Variants in SYNE1 observed in about 807,000 individuals in gnomAD.
SYNE1 encodes spectrin repeat containing nuclear envelope protein 1.
SYNE1 carries 616 observed loss-of-function variants against 1,111.0 expected under a neutral mutation model. That is an observed-to-expected ratio of 0.55 (90% CI 0.52 to 0.59). The LOEUF is 0.59. Ranked by LOEUF, SYNE1 falls within the 20% of genes least tolerant of loss-of-function variation. SYNE1 has a pLI of 0.00. For synonymous variants in SYNE1, 3,855 were observed against 3,825.8 expected, an observed-to-expected ratio of 1.01 and a Z score of -0.28; for missense variants, 10,006 against 10,417.0, an observed-to-expected ratio of 0.96 and a Z score of 1.72.
chr6:152,400,614 A>C (rs2097797689), intron 47 of SYNE1, among the ~76,000 whole-genome samples: 1 of 152,166 alleles, frequency 6.6e-6, no homozygotes, highest in Non-Finnish European at 1.5e-5. Flanking sequence ...GTGAGCCCAG[A>C]TTGTGCCACT....
intron 128 of SYNE1, among the ~76,000 whole-genome samples, chr6:152,188,781 AC>A (rs1433734828): frequency 3.3e-5 from 5 of 151,012 alleles, no homozygotes; most frequent in African/African-American, 4.9e-5. Flanking sequence ...ACACGGTGAA[AC>A]CCCATCCCTA....
intron 4 of SYNE1, among the ~76,000 whole-genome samples, chr6:152,527,201 A>G (rs924702541): frequency 2.6e-5 from 4 of 152,178 alleles, no homozygotes; most frequent in Non-Finnish European, 4.4e-5. Flanking sequence ...TTAACTCCAA[A>G]TGTTTGGTTG....
chr6:152,201,596 T>C (rs141515434), intron 127 of SYNE1, among the ~76,000 whole-genome samples: 2 of 152,338 alleles, frequency 1.3e-5, no homozygotes, highest in East Asian at 1.9e-4. Context: ...TTTAATGTGT[T>C]TTAAATTTTC....
At chr6:152,446,073 G>T (rs1348164999) in intron 29 of SYNE1, among the ~76,000 whole-genome samples, 1 of 151,280 alleles carries the variant, frequency 6.6e-6, no homozygotes, top group Non-Finnish European at 1.5e-5. Context: ...GTAAATGTTA[G>T]GGAAACTACT....
chr6:152,244,540 G>A lies in SYNE1; in HGVS notation c.19689C>T (p.Leu6563=). 6.2e-7 allele frequency: 1 copy of A among 1,614,044 alleles called. No individual in the cohort carries two copies. The highest frequency in any genetic ancestry group is 8.5e-7 in the Non-Finnish European group (1 of 1,179,934). The part of the protein sequence containing the change: ...EQPSMQELSK[L]QDMYDELMMI... ...TACTACTGGCTGAAGGCTGCACCTG[G>A]AGCTTGGAGAGTTCTTGCATGGACG... The change falls in exon 106 of 146, where the codon CTC becomes CTT. Residue 6563 remains leucine (L), a synonymous_variant. Transcript: ENST00000367255.
At chr6:152,506,737 A>C (rs1485828338) in intron 8 of SYNE1, among the ~76,000 whole-genome samples, 1 of 152,082 alleles carries the variant, frequency 6.6e-6, no homozygotes, top group Non-Finnish European at 1.5e-5. Context: ...CAAAAAATAC[A>C]AAAAATCAAT....
intron 31 of SYNE1, among the ~76,000 whole-genome samples, 174 bp downstream of exon 31, chr6:152,441,901 A>C (rs2098533910): frequency 6.6e-6 from 1 of 152,246 alleles, no homozygotes; most frequent in Non-Finnish European, 1.5e-5. Flanking sequence ...TGCAACTTCC[A>C]ATATCCATCT....
chr6:152,363,224 G>A (rs2096967348), intron 63 of SYNE1, among the ~76,000 whole-genome samples: 1 of 147,536 alleles, frequency 6.8e-6, no homozygotes, highest in Admixed American at 6.7e-5. Flanking sequence ...GCCGGGCGCG[G>A]TGACTCACGC....
At chr6:152,577,548 G>A (rs1192156781) in intron 3 of SYNE1, among the ~76,000 whole-genome samples, 1 of 152,098 alleles carries the variant, frequency 6.6e-6, no homozygotes, top group African/African-American at 2.4e-5. Context: ...CAGGAGAATG[G>A]CGTGACCCCG....
intron 87 of SYNE1, among the ~76,000 whole-genome samples, chr6:152,312,291 C>A (rs1171456418): frequency 6.7e-6 from 1 of 149,112 alleles, no homozygotes; most frequent in African/African-American, 2.5e-5. Flanking sequence ...CTCACTGCAA[C>A]CTGCATCTCC....
At position 152,344,165 on chromosome 6, in the gene SYNE1, C is replaced by A; in HGVS notation, c.12141G>T (p.Gln4047His). 2 of 1,614,242 alleles carry A rather than the reference C, an allele frequency of 1.2e-6. No homozygotes were observed. The highest frequency in any genetic ancestry group is 1.7e-6 in the Non-Finnish European group (2 of 1,180,036). Residue 4047 changes from glutamine (Q) to histidine (H), a missense_variant, in exon 74 of 146, where the codon CAG (glutamine) becomes CAT (histidine). Physicochemically the swap from Gln to His is conservative, Grantham distance 24. Transcript: ENST00000367255. ...KHVSRQDTLQ[Q>H]CQAWLSAVQP... ...GGACTGCAGAAAGCCAGGCCTGGCACTGCTGCAGGGTGTCTTGTCGGCTGA... is the reference window on the plus strand; with the variant it reads ...GGACTGCAGAAAGCCAGGCCTGGCAATGCTGCAGGGTGTCTTGTCGGCTGA...
rs761555219 is a variant in SYNE1 at position 152,450,844 on chromosome 6, A to T, written c.3187-11T>A. 4 of 1,613,516 alleles carry T rather than the reference A, an allele frequency of 2.5e-6. No homozygotes were observed. Among genetic ancestry groups the T allele is most frequent in the Non-Finnish European group, 2.5e-6 (3 of 1,179,672 alleles). On this transcript the variant is annotated splice_polypyrimidine_tract_variant and intron_variant, in intron 26 of 145. Transcript: ENST00000367255. ...GTCACTGAAGAAAACCTAATGTGTA[A>T]TAAATGTTTTTATAATCCCTGTGAG...
intron 60 of SYNE1, 28 bp downstream of exon 60, chr6:152,369,443 T>C: frequency 1.2e-6 from 2 of 1,614,008 alleles, no homozygotes; most frequent in South Asian, 1.1e-5. Context: ...CTAGGTCAGA[T>C]GGGGCTACGG....
rs199779021 is a variant in SYNE1 at position 152,325,079 on chromosome 6, A to T, written c.15657+5T>A. 3.0e-4 allele frequency: 486 copies of T among 1,613,572 alleles called. 1 individual carries two copies. Among genetic ancestry groups the T allele is most frequent in the Middle Eastern group, 1.6e-3 (9 of 5,724 alleles). On this transcript the variant is annotated splice_donor_5th_base_variant and intron_variant, in intron 81 of 145. Transcript: ENST00000367255. ...AAAGGTGAGCCCATGGACAGTGGAA[A>T]CTACCTTGTTGTTAAAGCCCGTCCA...
intron 3 of SYNE1, among the ~76,000 whole-genome samples, chr6:152,547,932 T>C (rs550106394): frequency 6.6e-6 from 1 of 152,358 alleles, no homozygotes; most frequent in South Asian, 2.1e-4. Flanking sequence ...GTTAATTGAC[T>C]GTGGTAATCA....
intron 74 of SYNE1, among the ~76,000 whole-genome samples, chr6:152,343,469 T>C (rs1254729416): frequency 2.0e-5 from 3 of 150,926 alleles, no homozygotes; most frequent in Non-Finnish European, 4.4e-5. Context: ...CCATTCTCTT[T>C]CTTTTTTTTT....
At chr6:152,333,324 T>C (rs1377143500) in intron 77 of SYNE1, among the ~76,000 whole-genome samples, 2 of 152,214 alleles carry the variant, frequency 1.3e-5, no homozygotes, top group South Asian at 2.1e-4. Context: ...TTACACAGAA[T>C]GCATTCATTA....
chr6:152,348,807 C>A (rs1039691150), intron 72 of SYNE1, among the ~76,000 whole-genome samples: 5 of 151,368 alleles, frequency 3.3e-5, no homozygotes, highest in Admixed American at 6.6e-5. Flanking sequence ...CATAGGGTAG[C>A]CTGGGTAACC....
chr6:152,435,674 CA>C (rs1360639464), intron 33 of SYNE1: 1 of 516,290 alleles, frequency 1.9e-6, no homozygotes, highest in Non-Finnish European at 3.4e-6. Flanking sequence ...GTACAAAGGC[CA>C]CAGAATAGAA....
Sources: gnomAD v4.1 joint callset for allele counts (sites outside exome capture counted in the v4.1 genomes callset) on GRCh38, gnomAD v4.1.1 for gene constraint, MANE v1.5 for transcripts, NCBI Gene and HGNC (gene_info 2026-07-23, HGNC 2026-07-21) for gene names.